PATJ: variants seen among roughly 807,000 people sequenced by gnomAD.
PATJ encodes the protein PATJ crumbs cell polarity complex component.
In PATJ, 190 loss-of-function variants were observed where a neutral mutation model predicts 224.9. The observed-to-expected ratio is 0.84, with a 90% CI of 0.75 to 0.95. PATJ has a LOEUF of 0.95. Ranked by LOEUF, PATJ falls within the 40% of genes least tolerant of loss-of-function variation. The pLI is 0.00. For synonymous variants in PATJ, 769 were observed against 820.3 expected (o/e 0.94, Z 1.07); for missense variants, 2,121 against 2,270.3 (o/e 0.93, Z 1.34).
intron 31 of PATJ, among the ~76,000 whole-genome samples, chr1:62,074,994 A>T (rs1658057252): frequency 6.6e-6 from 1 of 152,006 alleles, no homozygotes; most frequent in African/African-American, 2.4e-5. Context: ...AACTTCATAT[A>T]CTCCCACCTA....
chr1:61,889,175 G>C (rs185508085), intron 22 of PATJ, among the ~76,000 whole-genome samples: 2 of 152,278 alleles, frequency 1.3e-5, no homozygotes, highest in Admixed American at 1.3e-4. Flanking sequence ...TTTCTTCCTT[G>C]CATTAATTTT....
intron 33 of PATJ, among the ~76,000 whole-genome samples, chr1:62,099,200 A>G (rs762159122): frequency 1.3e-5 from 2 of 152,110 alleles, no homozygotes; most frequent in Non-Finnish European, 2.9e-5. Flanking sequence ...GGCTGTCTTT[A>G]TGATTTCTGA....
At chr1:61,983,952 G>A (rs12090390) in intron 27 of PATJ, among the ~76,000 whole-genome samples, 37,887 of 149,892 alleles carry the variant, frequency 0.25, 5,091 homozygotes, top group East Asian at 0.46. Flanking sequence ...AGCCTCCCAA[G>A]TAGCTGGGAC....
At chr1:61,950,133 G>T (rs757494906) in intron 27 of PATJ, among the ~76,000 whole-genome samples, 7 of 152,060 alleles carry the variant, frequency 4.6e-5, no homozygotes, top group Non-Finnish European at 8.8e-5. Context: ...GAACCCAGGA[G>T]GCGGAGGTTG....
chr1:62,102,859 C>CAAAAA (rs1162014751), intron 33 of PATJ, among the ~76,000 whole-genome samples: 2 of 47,006 alleles, frequency 4.3e-5, no homozygotes, highest in South Asian at 7.6e-4. Context: ...TACCCTGTCT[C>CAAAAA]AAAAAAAAAA....
chr1:62,072,166 C>T (rs1361478150), intron 31 of PATJ, among the ~76,000 whole-genome samples: 7 of 152,138 alleles, frequency 4.6e-5, no homozygotes, highest in Admixed American at 4.6e-4. Flanking sequence ...ACTGCCCTTT[C>T]GCTATGCTTC....
At chr1:61,869,201 G>A (rs1200632619) in intron 20 of PATJ, among the ~76,000 whole-genome samples, 1 of 146,632 alleles carries the variant, frequency 6.8e-6, no homozygotes, top group Non-Finnish European at 1.5e-5. Context: ...CCGCCTCCCG[G>A]GTTCACGCCA....
chr1:61,938,513 G>A (rs938639315), intron 27 of PATJ, among the ~76,000 whole-genome samples: 3 of 151,990 alleles, frequency 2.0e-5, no homozygotes, highest in Non-Finnish European at 2.9e-5. Context: ...ATCTGCACAT[G>A]TACCCCCTGT....
chr1:62,066,999 C>G (rs1656566084), intron 31 of PATJ, among the ~76,000 whole-genome samples: 1 of 152,002 alleles, frequency 6.6e-6, no homozygotes, highest in Non-Finnish European at 1.5e-5. Context: ...GTGATGTTAT[C>G]TACAATTGGG....
chr1:61,978,022 A>G (rs1394800096), intron 27 of PATJ, among the ~76,000 whole-genome samples: 3 of 151,964 alleles, frequency 2.0e-5, no homozygotes, highest in Admixed American at 6.5e-5. Context: ...CAGGTAATGA[A>G]ATAAAACATT....
chr1:62,070,114 TG>T (rs1657131431), intron 31 of PATJ, among the ~76,000 whole-genome samples: 1 of 152,186 alleles, frequency 6.6e-6, no homozygotes, highest in Non-Finnish European at 1.5e-5. Context: ...GCTGGTTAAT[TG>T]GGGTTGAAAC....
Position 61,876,080 on chromosome 1 carries a change from T to C in PATJ, c.2959+714T>C, listed in dbSNP as rs142939953. Among the ~76,000 whole-genome samples the C allele has an allele frequency of 2.7e-3, 415 of 152,242 alleles. 3 individuals carry two copies. The highest frequency in any genetic ancestry group is 0.027 in the Middle Eastern group (8 of 294). Reference sequence around the variant, plus strand: ...ATGACTACTTAAAAGTCTTTCTCTGTGTTGTATAGTAATATGTTGTAAGGG... The same window carrying C: ...ATGACTACTTAAAAGTCTTTCTCTGCGTTGTATAGTAATATGTTGTAAGGG... On this transcript the variant is annotated intron_variant, in intron 21 of 43. Coordinates refer to ENST00000642238, the MANE Select transcript of PATJ (RefSeq NM_001350145.3).
chr1:62,035,014 A>G (rs1168278018), intron 29 of PATJ, among the ~76,000 whole-genome samples: 1 of 152,200 alleles, frequency 6.6e-6, no homozygotes, highest in Admixed American at 6.5e-5. Context: ...TACAGCAGAC[A>G]TGGCCTGTTG....
chr1:61,810,677 A>G (rs1654533031), intron 14 of PATJ, among the ~76,000 whole-genome samples: 1 of 150,988 alleles, frequency 6.6e-6, no homozygotes. Context: ...AGCCTGGGCA[A>G]CAGAGCGAGA....
At chr1:61,919,095 T>C in intron 26 of PATJ, among the ~76,000 whole-genome samples, 1 of 152,208 alleles carries the variant, frequency 6.6e-6, no homozygotes, top group Non-Finnish European at 1.5e-5. Flanking sequence ...TAATTTTTTT[T>C]TCTGAAGAAT....
chr1:62,025,688 C>T (rs72915868), intron 29 of PATJ, among the ~76,000 whole-genome samples: 9,356 of 152,128 alleles, frequency 0.062, 596 homozygotes, highest in East Asian at 0.31. Context: ...CTGGGCATGG[C>T]GACATGTGCC....
At chr1:62,008,200 G>A (rs528441862) in intron 28 of PATJ, among the ~76,000 whole-genome samples, 1 of 152,252 alleles carries the variant, frequency 6.6e-6, no homozygotes, top group South Asian at 2.1e-4. Context: ...CTCAGCTGTG[G>A]CCTGGAGTGT....
intron 28 of PATJ, among the ~76,000 whole-genome samples, chr1:62,014,330 A>G (rs1364780090): frequency 6.6e-6 from 1 of 152,106 alleles, no homozygotes; most frequent in African/African-American, 2.4e-5. Context: ...CTCTGGGATT[A>G]CAGGCATGAG....
At chr1:61,859,467 G>A (rs1034164299) in intron 18 of PATJ, among the ~76,000 whole-genome samples, 12 of 151,898 alleles carry the variant, frequency 7.9e-5, no homozygotes, top group Non-Finnish European at 1.8e-4. Context: ...GGGGTCTTCT[G>A]GGAAAACTGC....
Sources: gnomAD v4.1 joint callset for allele counts (sites outside exome capture counted in the v4.1 genomes callset) on GRCh38, gnomAD v4.1.1 for gene constraint, MANE v1.5 for transcripts, NCBI Gene and HGNC (gene_info 2026-07-23, HGNC 2026-07-21) for gene names.